The following SGCZ variants were observed in gnomAD, a reference collection of about 807,000 sequenced individuals.
SGCZ encodes zeta-sarcoglycan.
Under a neutral mutation model 41.3 loss-of-function variants are expected in SGCZ, and 40 were observed. That is an observed-to-expected ratio of 0.97 (90% CI 0.75 to 1.26). SGCZ has a LOEUF of 1.26. Among genes scored for constraint, SGCZ ranks in the 50% most tolerant of loss-of-function variants. The pLI is 0.00. For missense variants in SGCZ, 552 were observed against 369.8 expected, an observed-to-expected ratio of 1.49 and a Z score of -4.04; for synonymous variants, 206 against 137.5, an observed-to-expected ratio of 1.50 and a Z score of -3.49.
chr8:14,673,695 A>G (rs1446930320), intron 1 of SGCZ, among the ~76,000 whole-genome samples: 2 of 152,190 alleles, frequency 1.3e-5, no homozygotes. Context: ...TAAATGCTTA[A>G]TATGACTTGA....
chr8:14,542,159 G>A (rs1803489185), intron 2 of SGCZ, among the ~76,000 whole-genome samples: 2 of 151,888 alleles, frequency 1.3e-5, no homozygotes, highest in African/African-American at 4.8e-5. Context: ...GTCAATTTTG[G>A]CTTTTGTTAT....
chr8:14,230,793 T>A (rs903435427), intron 4 of SGCZ, among the ~76,000 whole-genome samples: 1 of 151,804 alleles, frequency 6.6e-6, no homozygotes, highest in African/African-American at 2.4e-5. Context: ...AAACATCTCT[T>A]AATAATCAAA....
At chr8:14,736,672 T>C (rs113801693) in intron 1 of SGCZ, among the ~76,000 whole-genome samples, 22 of 152,216 alleles carry the variant, frequency 1.4e-4, no homozygotes, top group African/African-American at 4.8e-4. Flanking sequence ...GTGTCATTCT[T>C]ATGCCTTTGT....
chr8:14,641,967 C>G (rs1209488362), intron 1 of SGCZ, among the ~76,000 whole-genome samples: 1 of 151,590 alleles, frequency 6.6e-6, no homozygotes, highest in Non-Finnish European at 1.5e-5. Flanking sequence ...TTCCTGAACA[C>G]GTATCTCTGC....
At chr8:14,206,729 G>T (rs191871892) in intron 4 of SGCZ, among the ~76,000 whole-genome samples, 15 of 152,136 alleles carry the variant, frequency 9.9e-5, no homozygotes, top group African/African-American at 3.4e-4. Flanking sequence ...ACTGGTAAGG[G>T]TATTACCCCC....
chr8:14,429,664 C>G (rs1799887392), intron 2 of SGCZ, among the ~76,000 whole-genome samples: 1 of 152,134 alleles, frequency 6.6e-6, no homozygotes, highest in Non-Finnish European at 1.5e-5. Flanking sequence ...AGAGTCGGCT[C>G]TAAAATCAAT....
In SGCZ at chr8:14,712,962, T is replaced by C. The variant is rs558418085; in HGVS notation, c.40-158036A>G. Among the ~76,000 whole-genome samples, 4 of 152,104 alleles carry C rather than the reference T, an allele frequency of 2.6e-5. No individual in the cohort carries two copies. The South Asian group carries it at 8.3e-4, about 32-fold the overall frequency. On this transcript the variant is annotated intron_variant, in intron 1 of 7. Coordinates refer to ENST00000382080, the MANE Select transcript of SGCZ (RefSeq NM_139167.4). Reference sequence around the variant, plus strand: ...AGTAGGGCCAAGACACAAAACATGTTCTCCTCAAGACTAGGACATCCAGGT... The same window carrying C: ...AGTAGGGCCAAGACACAAAACATGTCCTCCTCAAGACTAGGACATCCAGGT...
intron 4 of SGCZ, among the ~76,000 whole-genome samples, chr8:14,220,968 C>T (rs1206857169): frequency 6.6e-6 from 1 of 151,148 alleles, no homozygotes; most frequent in Non-Finnish European, 1.5e-5. Context: ...AGTCTTTGGA[C>T]ATGAACTTAG....
At chr8:14,886,859 A>G (rs1446892205) in intron 1 of SGCZ, among the ~76,000 whole-genome samples, 1 of 152,120 alleles carries the variant, frequency 6.6e-6, no homozygotes, top group African/African-American at 2.4e-5. Context: ...CCAGGATGCA[A>G]GTTGAGAGGC....
At chr8:15,031,229 A>T (rs2130958627) in intron 1 of SGCZ, among the ~76,000 whole-genome samples, 1 of 152,238 alleles carries the variant, frequency 6.6e-6, no homozygotes, top group East Asian at 1.9e-4. Context: ...AGGATGGCAG[A>T]ATAGGTTTAT....
intron 1 of SGCZ, among the ~76,000 whole-genome samples, chr8:14,647,239 C>G (rs966269019): frequency 6.6e-6 from 1 of 152,010 alleles, no homozygotes; most frequent in Non-Finnish European, 1.5e-5. Flanking sequence ...AGACCACACT[C>G]CTTCAGCATT....
At chr8:15,144,491 G>C (rs186639294) in intron 1 of SGCZ, among the ~76,000 whole-genome samples, 1,511 of 149,956 alleles carry the variant, frequency 0.01, 14 homozygotes, top group African/African-American at 0.034. Flanking sequence ...TTTTGACTAA[G>C]TCTCGCTCAG....
intron 1 of SGCZ, among the ~76,000 whole-genome samples, chr8:15,035,877 C>T (rs1178704346): frequency 6.6e-6 from 1 of 152,024 alleles, no homozygotes; most frequent in Non-Finnish European, 1.5e-5. Flanking sequence ...GACTGTAACA[C>T]ATTAACAGCA....
intron 1 of SGCZ, among the ~76,000 whole-genome samples, chr8:14,683,683 A>G (rs762921494): frequency 1.3e-4 from 20 of 152,256 alleles, no homozygotes; most frequent in African/African-American, 4.3e-4. Context: ...ACAAAATAAC[A>G]TAGTACAAGT....
At chr8:14,622,159 G>A (rs915475619) in intron 1 of SGCZ, among the ~76,000 whole-genome samples, 1 of 152,084 alleles carries the variant, frequency 6.6e-6, no homozygotes, top group African/African-American at 2.4e-5. Context: ...GCTAGGAAAG[G>A]TAACTTACAT....
In SGCZ at chr8:15,063,394, T is replaced by C. The variant is rs1017211216; in HGVS notation, c.39+174191A>G. Among the ~76,000 whole-genome samples, 3 of 152,278 alleles carry C rather than the reference T, an allele frequency of 2.0e-5. No homozygotes were observed. The South Asian group carries it at 6.2e-4, about 32-fold the overall frequency. On this transcript the variant is annotated intron_variant, in intron 1 of 7. Coordinates refer to ENST00000382080, the MANE Select transcript of SGCZ (RefSeq NM_139167.4). ...TAAAAAGGTGGTCTACATGACCATT[T>C]CTTACATGGAGAAAAAGTTATATTA... is the stretch of plus-strand genomic sequence containing the variant.
rs978691587 is a variant in SGCZ at position 14,668,920 on chromosome 8, G to C, written c.40-113994C>G. ...AAATCTACCACTCAGTTATTTTCTT[G>C]TGTGTGTGTGTGTGTATGTGTGTGT... is the stretch of plus-strand genomic sequence containing the variant. On this transcript the variant is annotated intron_variant, in intron 1 of 7. Coordinates refer to ENST00000382080, the MANE Select transcript of SGCZ (RefSeq NM_139167.4). Among the ~76,000 whole-genome samples, 54 of 34,472 alleles carry C rather than the reference G, an allele frequency of 1.6e-3. No individual in the cohort carries two copies. In the African/African-American group the frequency reaches 0.018, roughly 11 times the overall value. 22.6% of individuals were successfully genotyped at this position (34,472 alleles called of 152,430 possible). A position where few individuals can be genotyped will look rare whatever the true frequency, so the allele number is the denominator to read the frequency against.
chr8:14,400,508 G>A (rs1459515442), intron 2 of SGCZ, among the ~76,000 whole-genome samples: 1 of 152,070 alleles, frequency 6.6e-6, no homozygotes, highest in African/African-American at 2.4e-5. Context: ...ATGCCTAAGG[G>A]TCAAATTGTT....
At position 15,031,822 on chromosome 8, in the gene SGCZ, G is replaced by C. The variant is rs116796785; in HGVS notation, c.39+205763C>G. Reference sequence around the variant, plus strand: ...ATGAGGACATAGCAGCTTCTCTTTAGCATCTCTACGTTGCAGTCGGCCAGC... The same window carrying C: ...ATGAGGACATAGCAGCTTCTCTTTACCATCTCTACGTTGCAGTCGGCCAGC... On this transcript the variant is annotated intron_variant, in intron 1 of 7. Transcript: ENST00000382080. Among the ~76,000 whole-genome samples the C allele has an allele frequency of 3.5e-3, 530 of 151,876 alleles. 3 individuals carry two copies. Among genetic ancestry groups the C allele is most frequent in the African/African-American group, 0.012 (499 of 41,404 alleles).
Sources: gnomAD v4.1 joint callset for allele counts (sites outside exome capture counted in the v4.1 genomes callset) on GRCh38, gnomAD v4.1.1 for gene constraint, MANE v1.5 for transcripts, NCBI Gene and HGNC (gene_info 2026-07-23, HGNC 2026-07-21) for gene names.